Variants in ASTN2 observed in about 807,000 individuals in gnomAD.
The protein encoded by ASTN2 is astrotactin-2.
Under a neutral mutation model 139.8 loss-of-function variants are expected in ASTN2, and 54 were observed. That is an observed-to-expected ratio of 0.39 (90% CI 0.31 to 0.48). ASTN2 has a LOEUF of 0.48. Among genes scored for constraint, ASTN2 ranks in the 20% least tolerant of loss-of-function variants. ASTN2 has a pLI of 0.95. For synonymous variants in ASTN2, 756 were observed against 719.5 expected, an observed-to-expected ratio of 1.05 and a Z score of -0.81; for missense variants, 1,565 against 1,725.1, an observed-to-expected ratio of 0.91 and a Z score of 1.64.
intron 7 of ASTN2, among the ~76,000 whole-genome samples, chr9:117,000,634 T>C (rs1463185413): frequency 6.6e-6 from 1 of 152,186 alleles, no homozygotes; most frequent in African/African-American, 2.4e-5. Context: ...CTTTCTGTCC[T>C]CAGAGAGATG....
chr9:116,579,683 C>T (rs902235176), intron 19 of ASTN2, among the ~76,000 whole-genome samples: 9 of 152,054 alleles, frequency 5.9e-5, no homozygotes, highest in African/African-American at 7.2e-5. Context: ...GAATTTGAGA[C>T]CAGACTGGGC....
At chr9:116,900,365 G>A (rs936110332) in intron 10 of ASTN2, among the ~76,000 whole-genome samples, 1 of 152,154 alleles carries the variant, frequency 6.6e-6, no homozygotes, top group Non-Finnish European at 1.5e-5. Context: ...ACATGACAGA[G>A]AAGGGTTTGT....
intron 11 of ASTN2, among the ~76,000 whole-genome samples, chr9:116,821,314 A>G (rs971414518): frequency 6.6e-6 from 1 of 152,198 alleles, no homozygotes; most frequent in African/African-American, 2.4e-5. Context: ...ATAAATGGGC[A>G]CAATACCTGC....
At chr9:117,349,191 A>C (rs2130877263) in intron 1 of ASTN2, among the ~76,000 whole-genome samples, 1 of 152,308 alleles carries the variant, frequency 6.6e-6, no homozygotes, top group Non-Finnish European at 1.5e-5. Context: ...GGGCGGGTGA[A>C]GGCTCAGTCC....
chr9:117,177,068 A>G (rs1181062385), intron 3 of ASTN2, among the ~76,000 whole-genome samples: 1 of 152,220 alleles, frequency 6.6e-6, no homozygotes, highest in Non-Finnish European at 1.5e-5. Flanking sequence ...TAAAATAACC[A>G]TCTGGCCAAA....
intron 1 of ASTN2, among the ~76,000 whole-genome samples, chr9:117,396,864 C>T (rs965553463): frequency 4.0e-5 from 6 of 151,634 alleles, no homozygotes; most frequent in African/African-American, 1.5e-4. Context: ...CCACACCCAG[C>T]TATATGAGAT....
chr9:116,964,216 G>GGTGGGGGTGTGT (rs1554765643), intron 10 of ASTN2, among the ~76,000 whole-genome samples: 1 of 140,708 alleles, frequency 7.1e-6, no homozygotes, highest in African/African-American at 2.7e-5. Context: ...ACTGCCCTGG[G>GGTGGGGGTGTGT]GTGTGTGTGT....
chr9:116,618,510 C>T (rs1263920657), intron 18 of ASTN2, 38 bp from the exon 19 acceptor site: 1 of 1,579,422 alleles, frequency 6.3e-7, no homozygotes, highest in African/African-American at 1.4e-5. Context: ...GTTTGGCAGC[C>T]AGCACCAGCT....
chr9:117,041,095 G>A (rs184894456), intron 5 of ASTN2, among the ~76,000 whole-genome samples: 14 of 152,244 alleles, frequency 9.2e-5, no homozygotes, highest in African/African-American at 3.4e-4. Context: ...CAATTTTATG[G>A]ATATAATACG....
Position 117,214,499 on chromosome 9 carries a change from C to T in ASTN2, c.874G>A (p.Asp292Asn). 1 of 1,614,184 alleles carries T rather than the reference C, an allele frequency of 6.2e-7. No individual in the cohort carries two copies. ...TCCTCATCCTCCTCACAGTCATAGT[C>T]ATCCAGGATGGGAGTCTCCCGGATG... ...VPIRETPILDDYDCEEDEEPP... is the reference protein window; with the variant it reads ...VPIRETPILDNYDCEEDEEPP... Residue 292 changes from aspartate (D) to asparagine (N), a missense_variant, in exon 3 of 23, where the codon GAC becomes AAC. Coordinates refer to ENST00000313400, the MANE Select transcript of ASTN2 (RefSeq NM_001365068.1).
chr9:117,342,757 T>C (rs941507952), intron 1 of ASTN2, among the ~76,000 whole-genome samples: 1 of 152,184 alleles, frequency 6.6e-6, no homozygotes, highest in African/African-American at 2.4e-5. Context: ...AGAAATAGAA[T>C]ATCCATAACA....
intron 7 of ASTN2, among the ~76,000 whole-genome samples, chr9:117,000,725 C>T (rs1837170140): frequency 6.6e-6 from 1 of 152,076 alleles, no homozygotes; most frequent in Non-Finnish European, 1.5e-5. Context: ...CACTTTTTTG[C>T]CTTGGTCTTT....
At chr9:117,151,065 G>A (rs750083301) in intron 3 of ASTN2, among the ~76,000 whole-genome samples, 10 of 151,790 alleles carry the variant, frequency 6.6e-5, no homozygotes, top group African/African-American at 1.2e-4. Context: ...GTCTCCCTAC[G>A]TTGCTTAGGA....
At chr9:116,639,755 T>G (rs1179924835) in intron 17 of ASTN2, among the ~76,000 whole-genome samples, 1 of 152,196 alleles carries the variant, frequency 6.6e-6, no homozygotes, top group Non-Finnish European at 1.5e-5. Context: ...CTTACAGGGC[T>G]TCAGATGATG....
intron 10 of ASTN2, among the ~76,000 whole-genome samples, chr9:116,875,549 A>G (rs1050168078): frequency 5.9e-5 from 9 of 152,364 alleles, no homozygotes; most frequent in African/African-American, 1.9e-4. Flanking sequence ...TCTAGTTAAC[A>G]TAATTAATGA....
intron 1 of ASTN2, among the ~76,000 whole-genome samples, chr9:117,305,721 G>A (rs954311549): frequency 2.2e-4 from 33 of 152,276 alleles, no homozygotes; most frequent in East Asian, 7.7e-4. Flanking sequence ...ATAATAAAAA[G>A]GCTAACACTT....
chr9:117,114,226 C>G (rs1301218755), intron 4 of ASTN2, among the ~76,000 whole-genome samples: 2 of 151,004 alleles, frequency 1.3e-5, no homozygotes, highest in Non-Finnish European at 2.9e-5. Context: ...GCTTTGTGTC[C>G]CTAGTCAAAT....
chr9:117,193,473 A>T (rs1263197591), intron 3 of ASTN2, among the ~76,000 whole-genome samples: 2 of 151,824 alleles, frequency 1.3e-5, no homozygotes, highest in Admixed American at 6.6e-5. Flanking sequence ...CCCTGTCTCT[A>T]CTAAAAATAC....
intron 16 of ASTN2, among the ~76,000 whole-genome samples, chr9:116,681,813 G>C (rs1859885573): frequency 6.6e-6 from 1 of 151,888 alleles, no homozygotes; most frequent in African/African-American, 2.4e-5. Context: ...GGGAAAACTG[G>C]CTAGCCATAT....
Sources: allele counts gnomAD v4.1 joint callset (sites outside exome capture counted in the v4.1 genomes callset), GRCh38; gene constraint gnomAD v4.1.1; transcripts MANE v1.5; gene names NCBI Gene and HGNC (gene_info 2026-07-23, HGNC 2026-07-21).